BMPER: variants seen among roughly 807,000 people sequenced by gnomAD.
The protein encoded by BMPER is BMP binding endothelial regulator, also known as BMP-binding endothelial regulator protein.
Under a neutral mutation model 87.3 loss-of-function variants are expected in BMPER, and 45 were observed. The ratio of observed to expected loss-of-function variants is 0.52; its 90% CI spans 0.41 to 0.66. BMPER has a LOEUF of 0.66. BMPER is among the 30% of genes least tolerant of loss of function. BMPER has a pLI of 0.00. For synonymous variants in BMPER, 326 were observed against 316.2 expected, an observed-to-expected ratio of 1.03 and a Z score of -0.33; for missense variants, 784 against 867.5, an observed-to-expected ratio of 0.90 and a Z score of 1.21.
chr7:34,009,528 A>T (rs1786823454), intron 6 of BMPER, among the ~76,000 whole-genome samples: 1 of 151,940 alleles, frequency 6.6e-6, no homozygotes, highest in East Asian at 1.9e-4. Flanking sequence ...TAGCAGACTT[A>T]GCTGTTGGGG....
intron 13 of BMPER, among the ~76,000 whole-genome samples, chr7:34,108,809 T>C (rs776729027): frequency 6.6e-6 from 1 of 152,248 alleles, no homozygotes; most frequent in Non-Finnish European, 1.5e-5. Flanking sequence ...GATTTTTGAA[T>C]GTTCCTAAAC....
At chr7:34,123,523 CT>C (rs1243764538) in intron 13 of BMPER, among the ~76,000 whole-genome samples, 3 of 152,292 alleles carry the variant, frequency 2.0e-5, no homozygotes. Context: ...GGCATCAGTG[CT>C]ATTTAAATCT....
intron 11 of BMPER, 138 bp from the exon 12 acceptor site, chr7:34,078,719 C>A: frequency 1.2e-6 from 1 of 865,160 alleles, no homozygotes; most frequent in South Asian, 1.5e-5. Flanking sequence ...CCTTTAAAAA[C>A]GACCACTTTT....
intron 6 of BMPER, among the ~76,000 whole-genome samples, chr7:33,995,192 T>A (rs775425526): frequency 6.6e-6 from 1 of 152,146 alleles, no homozygotes; most frequent in African/African-American, 2.4e-5. Flanking sequence ...CAGCTTATTG[T>A]ATTAAAAAAC....
At chr7:34,096,502 A>C (rs1789535902) in intron 13 of BMPER, among the ~76,000 whole-genome samples, 1 of 152,200 alleles carries the variant, frequency 6.6e-6, no homozygotes, top group Non-Finnish European at 1.5e-5. Flanking sequence ...TGCAAATACG[A>C]AATAGGAGTG....
intron 14 of BMPER, among the ~76,000 whole-genome samples, chr7:34,145,509 A>C (rs550822564): frequency 6.6e-6 from 1 of 152,240 alleles, no homozygotes; most frequent in South Asian, 2.1e-4. Context: ...TCCACCTCTA[A>C]CCTAATGCAT....
chr7:34,085,110 A>G (rs992538102), intron 12 of BMPER, among the ~76,000 whole-genome samples: 3 of 152,180 alleles, frequency 2.0e-5, no homozygotes, highest in African/African-American at 7.2e-5. Flanking sequence ...TTTCACAACA[A>G]CTCAACCCCA....
At chr7:33,922,673 T>C (rs1784263943) in intron 2 of BMPER, among the ~76,000 whole-genome samples, 1 of 152,118 alleles carries the variant, frequency 6.6e-6, no homozygotes, top group African/African-American at 2.4e-5. Context: ...GTGTGCCACA[T>C]GGAACTAGGC....
chr7:34,080,697 T>C (rs1043710664), intron 12 of BMPER, among the ~76,000 whole-genome samples: 3 of 152,182 alleles, frequency 2.0e-5, no homozygotes, highest in Non-Finnish European at 4.4e-5. Context: ...TAAAAGCACC[T>C]TGACTATTTG....
At chr7:34,108,419 G>A (rs1789878997) in intron 13 of BMPER, among the ~76,000 whole-genome samples, 1 of 152,206 alleles carries the variant, frequency 6.6e-6, no homozygotes, top group Non-Finnish European at 1.5e-5. Context: ...CACTGGCTGA[G>A]GTCACACAGT....
intron 2 of BMPER, among the ~76,000 whole-genome samples, chr7:33,910,746 A>G (rs75243801): frequency 7.1e-6 from 1 of 141,076 alleles, no homozygotes; most frequent in South Asian, 2.2e-4. Flanking sequence ...CCAATCAAAT[A>G]GTGAAGACAG....
At chr7:34,057,611 T>G (rs962020808) in intron 9 of BMPER, among the ~76,000 whole-genome samples, 1 of 152,202 alleles carries the variant, frequency 6.6e-6, no homozygotes, top group Non-Finnish European at 1.5e-5. Flanking sequence ...CATCTGGTAA[T>G]TAACCACCTC....
chr7:33,997,713 G>T (rs899604813), intron 6 of BMPER, among the ~76,000 whole-genome samples: 3 of 152,134 alleles, frequency 2.0e-5, no homozygotes, highest in Admixed American at 1.3e-4. Context: ...GCTCCCTGTT[G>T]TTCCTTGAAT....
intron 3 of BMPER, among the ~76,000 whole-genome samples, chr7:33,955,014 C>T (rs1177884354): frequency 6.6e-6 from 1 of 152,218 alleles, no homozygotes; most frequent in Non-Finnish European, 1.5e-5. Flanking sequence ...TCTCCTGCCT[C>T]AGCCTCCTGA....
intron 13 of BMPER, among the ~76,000 whole-genome samples, chr7:34,120,751 A>G (rs1159687983): frequency 6.6e-6 from 1 of 152,184 alleles, no homozygotes; most frequent in East Asian, 1.9e-4. Flanking sequence ...ATTGTCTGTG[A>G]TTAGGTAAAC....
intron 12 of BMPER, among the ~76,000 whole-genome samples, chr7:34,084,875 A>G (rs1429227630): frequency 6.6e-6 from 1 of 152,220 alleles, no homozygotes; most frequent in Non-Finnish European, 1.5e-5. Flanking sequence ...CTTTCAGATA[A>G]TTTCTTCAGC....
chr7:34,035,790 A>G (rs946871776), intron 6 of BMPER, among the ~76,000 whole-genome samples: 3 of 152,206 alleles, frequency 2.0e-5, no homozygotes, highest in Non-Finnish European at 4.4e-5. Context: ...TGAACCTTCA[A>G]CCTACTTTGG....
At chr7:34,070,554 T>C (rs957431682) in intron 11 of BMPER, among the ~76,000 whole-genome samples, 2 of 152,238 alleles carry the variant, frequency 1.3e-5, no homozygotes, top group African/African-American at 4.8e-5. Flanking sequence ...AACCCAAACT[T>C]AGCTTTCACA....
intron 6 of BMPER, among the ~76,000 whole-genome samples, chr7:34,033,763 G>A (rs1468147623): frequency 1.3e-5 from 2 of 152,192 alleles, no homozygotes; most frequent in African/African-American, 2.4e-5. Context: ...TGGATTTCTA[G>A]TCAAAGGTGG....
Sources: gnomAD v4.1 joint callset for allele counts (sites outside exome capture counted in the v4.1 genomes callset) on GRCh38, gnomAD v4.1.1 for gene constraint, MANE v1.5 for transcripts, NCBI Gene and HGNC (gene_info 2026-07-23, HGNC 2026-07-21) for gene names.